Variants in TMEM232 observed in about 807,000 individuals in gnomAD.
TMEM232 encodes transmembrane protein 232.
In TMEM232, 80 loss-of-function variants were observed where a neutral mutation model predicts 78.8. That is an observed-to-expected ratio of 1.01 (90% CI 0.85 to 1.22). The LOEUF (loss-of-function observed/expected upper bound fraction) is 1.22, where lower values mean the gene tolerates loss of function less well. Among genes scored for constraint, TMEM232 ranks in the 50% most tolerant of loss-of-function variants. The probability of loss-of-function intolerance (pLI) is 0.00; values close to 1 mark genes in which losing one functional copy is unlikely to be tolerated. For missense variants in TMEM232, 881 were observed against 742.2 expected (o/e 1.19, Z -2.17); for synonymous variants, 297 against 254.3 (o/e 1.17, Z -1.60).
intron 10 of TMEM232, among the ~76,000 whole-genome samples, chr5:110,584,466 A>G (rs184232368): frequency 7.2e-5 from 11 of 152,220 alleles, no homozygotes; most frequent in Admixed American, 4.6e-4. Flanking sequence ...CCCGAGGCAA[A>G]GAATAGAATG....
intron 8 of TMEM232, 69 bp from the exon 9 acceptor site, chr5:110,606,356 T>G (rs1781543987): frequency 1.4e-6 from 2 of 1,394,468 alleles, no homozygotes; most frequent in Middle Eastern, 3.7e-4. Context: ...ACTTTTAATG[T>G]GAAAAAATGA....
intron 12 of TMEM232, among the ~76,000 whole-genome samples, chr5:110,479,983 C>T (rs1351356700): frequency 1.3e-5 from 2 of 151,452 alleles, no homozygotes; most frequent in African/African-American, 4.8e-5. Context: ...TTTTTTCCTC[C>T]TGTAAATATG....
At chr5:110,394,331 GT>G (rs1755310446) in intron 3 of TMEM232, among the ~76,000 whole-genome samples, 1 of 152,166 alleles carries the variant, frequency 6.6e-6, no homozygotes, top group Admixed American at 6.5e-5. Context: ...TATGCACCAA[GT>G]TTCCTTTATG....
At chr5:110,563,330 T>G (rs950289299) in intron 11 of TMEM232, among the ~76,000 whole-genome samples, 1 of 151,836 alleles carries the variant, frequency 6.6e-6, no homozygotes, top group Non-Finnish European at 1.5e-5. Flanking sequence ...TACTAAAATT[T>G]TGAAGAAAAA....
intron 12 of TMEM232, among the ~76,000 whole-genome samples, chr5:110,425,633 G>A (rs1757144620): frequency 6.6e-6 from 1 of 151,814 alleles, no homozygotes; most frequent in Admixed American, 6.6e-5. Flanking sequence ...CTTGACACCC[G>A]ACAGTCCCCT....
intron 4 of TMEM232, among the ~76,000 whole-genome samples, chr5:110,639,886 T>C (rs562682812): frequency 3.8e-4 from 58 of 152,248 alleles, no homozygotes; most frequent in African/African-American, 1.3e-3. Context: ...CGACAGGAGG[T>C]GGAGCTCAGG....
intron 12 of TMEM232, among the ~76,000 whole-genome samples, chr5:110,501,634 A>T (rs1766277352): frequency 6.6e-6 from 1 of 152,160 alleles, no homozygotes. Context: ...GCAGGTCCCA[A>T]ATAACCCCAC....
chr5:110,652,294 G>GCACGCACACACA (rs1554069162), intron 2 of TMEM232, among the ~76,000 whole-genome samples: 4 of 145,360 alleles, frequency 2.8e-5, no homozygotes, highest in African/African-American at 5.2e-5. Flanking sequence ...GCACGCGCGC[G>GCACGCACACACA]CACACACACA....
At chr5:110,618,305 T>A in intron 8 of TMEM232, 124 bp downstream of exon 8, 1 of 1,228,992 alleles carries the variant, frequency 8.1e-7, no homozygotes, top group Non-Finnish European at 1.1e-6. Context: ...CCTTTGGAAC[T>A]GAGATTATAA....
Position 110,397,083 on chromosome 5 carries a change from G to A in TMEM232, n.390+690C>T, listed in dbSNP as rs571403694. ...TTTCTCAGAAAGACACTATCTTCCC[G>A]TTATTTATATCCCATGCTGAAGAGG... is the stretch of plus-strand genomic sequence containing the variant. On this transcript the variant is annotated intron_variant and non_coding_transcript_variant, in intron 3 of 8. Coordinates refer to the TMEM232 transcript ENST00000507188. Among the ~76,000 whole-genome samples, 214 of 152,164 alleles carry A rather than the reference G, an allele frequency of 1.4e-3. 1 individual carries two copies. Among genetic ancestry groups the A allele is most frequent in the African/African-American group, 3.9e-3 (163 of 41,538 alleles).
chr5:110,428,785 C>G (rs1232739296), intron 12 of TMEM232, among the ~76,000 whole-genome samples: 2 of 151,634 alleles, frequency 1.3e-5, no homozygotes, highest in Non-Finnish European at 2.9e-5. Flanking sequence ...AATCTCATCT[C>G]GAGATCCTTA....
At chr5:110,595,148 T>G (rs1034339118) in intron 10 of TMEM232, among the ~76,000 whole-genome samples, 2 of 152,170 alleles carry the variant, frequency 1.3e-5, no homozygotes, top group African/African-American at 4.8e-5. Context: ...GGAGTGGACC[T>G]CCAGCAAACT....
At chr5:110,411,774 T>C (rs1229986764) in intron 2 of TMEM232, among the ~76,000 whole-genome samples, 1 of 152,198 alleles carries the variant, frequency 6.6e-6, no homozygotes, top group East Asian at 1.9e-4. Context: ...GAATGTCTTT[T>C]TAAAGGCTGA....
chr5:110,601,790 A>T (rs1487280808), intron 10 of TMEM232, among the ~76,000 whole-genome samples: 1 of 152,194 alleles, frequency 6.6e-6, no homozygotes, highest in Non-Finnish European at 1.5e-5. Flanking sequence ...AACTATAAAA[A>T]ACTACATTAA....
At chr5:110,514,845 CTCT>C (rs1239425617) in intron 12 of TMEM232, among the ~76,000 whole-genome samples, 1 of 152,144 alleles carries the variant, frequency 6.6e-6, no homozygotes, top group East Asian at 1.9e-4. Flanking sequence ...TAGAAAGTGA[CTCT>C]TCTTTGATAT....
At chr5:110,684,365 C>A (rs187225434) in intron 1 of TMEM232, among the ~76,000 whole-genome samples, 1 of 151,790 alleles carries the variant, frequency 6.6e-6, no homozygotes, top group Non-Finnish European at 1.5e-5. Flanking sequence ...TCTGGATAAA[C>A]AATTAATACA....
chr5:110,601,921 C>T (rs1561364510), intron 10 of TMEM232, among the ~76,000 whole-genome samples: 1 of 152,168 alleles, frequency 6.6e-6, no homozygotes, highest in Non-Finnish European at 1.5e-5. Flanking sequence ...GTAACCACAA[C>T]AGCATGGTAC....
At chr5:110,586,159 G>T (rs1410354100) in intron 10 of TMEM232, among the ~76,000 whole-genome samples, 2 of 151,890 alleles carry the variant, frequency 1.3e-5, no homozygotes, top group African/African-American at 2.4e-5. Flanking sequence ...GTAACAAGTG[G>T]TATTTCTTTT....
intron 12 of TMEM232, among the ~76,000 whole-genome samples, chr5:110,457,873 GATA>G (rs1228362030): frequency 4.6e-5 from 7 of 151,956 alleles, no homozygotes; most frequent in South Asian, 2.1e-4. Flanking sequence ...AAATATCATA[GATA>G]ATAATATATG....
Sources: allele counts gnomAD v4.1 joint callset (sites outside exome capture counted in the v4.1 genomes callset), GRCh38; gene constraint gnomAD v4.1.1; transcripts MANE v1.5; gene names NCBI Gene and HGNC (gene_info 2026-07-23, HGNC 2026-07-21).